The following HDAC1 variants were observed in gnomAD, a reference collection of about 807,000 sequenced individuals.
HDAC1 encodes the protein protein deacetylase HDAC1.
Under a neutral mutation model 65.5 loss-of-function variants are expected in HDAC1, and 18 were observed. The ratio of observed to expected loss-of-function variants is 0.27; its 90% CI spans 0.19 to 0.41. The LOEUF (loss-of-function observed/expected upper bound fraction) is 0.41, where lower values mean the gene tolerates loss of function less well. HDAC1 is among the 10% of genes least tolerant of loss of function. HDAC1 has a pLI of 1.00. For missense variants in HDAC1, 373 were observed against 625.2 expected (o/e 0.60, Z 4.30); for synonymous variants, 211 against 227.9 (o/e 0.93, Z 0.67).
At chr1:32,305,751 C>T (rs1471445480) in intron 2 of HDAC1, among the ~76,000 whole-genome samples, 3 of 151,892 alleles carry the variant, frequency 2.0e-5, no homozygotes, top group Non-Finnish European at 4.4e-5. Context: ...GCTGGGACCA[C>T]AGGTGCATGT....
intron 1 of HDAC1, among the ~76,000 whole-genome samples, chr1:32,293,234 C>A (rs1310611970): frequency 2.6e-5 from 4 of 151,582 alleles, no homozygotes; most frequent in African/African-American, 9.7e-5. Flanking sequence ...GCAGGAGAAT[C>A]CCTTAGAACC....
chr1:32,292,851 T>TCAGA (rs1436290909), intron 1 of HDAC1, among the ~76,000 whole-genome samples: 1 of 152,100 alleles, frequency 6.6e-6, no homozygotes, highest in Non-Finnish European at 1.5e-5. Context: ...TCTCTCCGTG[T>TCAGA]CAGAGCTCAG....
Position 32,331,104 on chromosome 1 carries a change from C to G in HDAC1, c.979+196C>G, listed in dbSNP as rs558433599. Among the ~76,000 whole-genome samples, 1 of 152,206 alleles carries G rather than the reference C, an allele frequency of 6.6e-6. No individual in the cohort carries two copies. Among genetic ancestry groups the G allele is most frequent in the Admixed American group, 6.5e-5 (1 of 15,286 alleles). ...CCCTAGTCCTTTTTAGCTCTCTCCC[C>G]TCTCCCTCCTGCTTTTGGTCTGGAC... On this transcript the variant is annotated intron_variant, in intron 9 of 13. Coordinates refer to ENST00000373548, the MANE Select transcript of HDAC1 (RefSeq NM_004964.3). The surrounding 1 kb of genome is among the most constrained non-coding windows in gnomAD (Gnocchi z 4.2).
At chr1:32,328,046 A>G (rs1371566115) in intron 6 of HDAC1, among the ~76,000 whole-genome samples, 1 of 152,060 alleles carries the variant, frequency 6.6e-6, no homozygotes, top group Admixed American at 6.5e-5. Flanking sequence ...TAGCCTTTTG[A>G]CTGAAAACTA....
chr1:32,316,854 C>T, intron 3 of HDAC1, 72 bp downstream of exon 3: 1 of 933,982 alleles, frequency 1.1e-6, no homozygotes, highest in Non-Finnish European at 1.8e-6. Flanking sequence ...GAGGCCCATT[C>T]TGCCGTCCTC....
Position 32,292,206 on chromosome 1 carries a change from T to TA in HDAC1, c.38dup (p.Tyr13Ter). The TA allele has an allele frequency of 6.5e-7, 1 of 1,548,686 alleles. No homozygotes were observed. Among genetic ancestry groups the TA allele is most frequent in the Non-Finnish European group, 8.7e-7 (1 of 1,146,370 alleles). Residue 13 changes from tyrosine (Y) to a stop codon, truncating the protein, a stop_gained and frameshift_variant, in exon 1 of 14, where the codon TAC becomes TAAC. Transcript: ENST00000373548. LOFTEE classifies it high-confidence loss of function. The part of the protein sequence containing the change: ...QTQGTRRKVC[Y>*]YYDGDVGNYY... The stretch of plus-strand genomic sequence containing the variant: ...GCAGGGCACCCGGAGGAAAGTCTGT[T>TA]ACTACTACGACGGTGAGCACCGTCC...
chr1:32,330,717 C>T lies in HDAC1; in HGVS notation c.838+31C>T, dbSNP rs1180144245. The T allele has an allele frequency of 1.5e-5, 24 of 1,613,074 alleles. No homozygotes were observed. Among genetic ancestry groups the T allele is most frequent in the South Asian group, 2.2e-5 (2 of 91,062 alleles). ...ACCAGGTAGCACAAGGATGGGTGGG[C>T]GGGGTCCTGCTTGGTGCTCCTGTAA... On this transcript the variant is annotated intron_variant, in intron 8 of 13. Transcript: ENST00000373548. The surrounding 1 kb of genome is among the most constrained non-coding windows in gnomAD (Gnocchi z 4.2).
At chr1:32,307,745 T>G (rs1640930859) in intron 2 of HDAC1, among the ~76,000 whole-genome samples, 1 of 152,212 alleles carries the variant, frequency 6.6e-6, no homozygotes, top group African/African-American at 2.4e-5. Flanking sequence ...TTTGGAACTT[T>G]GAGTCCTGGG....
chr1:32,318,730 T>C (rs1641098062), intron 3 of HDAC1, among the ~76,000 whole-genome samples: 1 of 152,224 alleles, frequency 6.6e-6, no homozygotes, highest in Non-Finnish European at 1.5e-5. Context: ...TACAAACTTA[T>C]CAAGGCAGAC....
chr1:32,330,813 T>C lies in HDAC1; in HGVS notation c.884T>C (p.Met295Thr). Reference sequence around the variant, plus strand: ...TTTGTCAAGAGCTTTAACCTGCCTATGCTGATGCTGGGAGGCGGTGGTTAC... The same window carrying C: ...TTTGTCAAGAGCTTTAACCTGCCTACGCTGATGCTGGGAGGCGGTGGTTAC... The part of the protein sequence containing the change: ...VEFVKSFNLP[M>T]LMLGGGGYTI... Residue 295 changes from methionine (M) to threonine (T), a missense_variant, in exon 9 of 14, where the codon ATG (methionine) becomes ACG (threonine). Met to Thr is a moderately conservative substitution (Grantham distance 81). Transcript: ENST00000373548. The surrounding 1 kb of genome is among the most constrained non-coding windows in gnomAD (Gnocchi z 4.2). 6.2e-7 allele frequency: 1 copy of C among 1,614,172 alleles called. No individual in the cohort carries two copies. Among genetic ancestry groups the C allele is most frequent in the Non-Finnish European group, 8.5e-7 (1 of 1,180,020 alleles).
chr1:32,309,832 C>A (rs1640966579), intron 2 of HDAC1, among the ~76,000 whole-genome samples: 1 of 152,054 alleles, frequency 6.6e-6, no homozygotes, highest in South Asian at 2.1e-4. Flanking sequence ...GTAGTTGAGA[C>A]TACAAGTGTG....
Position 32,292,187 on chromosome 1 carries a change from C to A in HDAC1, c.18C>A (p.Gly6=), listed in dbSNP as rs560391631. 2.6e-6 allele frequency: 4 copies of A among 1,548,646 alleles called. No homozygotes were observed. The African/African-American group carries it at 5.5e-5, about 21-fold the overall frequency. ...CGAGCAAGATGGCGCAGACGCAGGG[C>A]ACCCGGAGGAAAGTCTGTTACTACT... is the stretch of plus-strand genomic sequence containing the variant. MAQTQ[G]TRRKVCYYYD... Residue 6 remains glycine, a synonymous_variant, in exon 1 of 14, where the codon GGC becomes GGA. Coordinates refer to ENST00000373548, the MANE Select transcript of HDAC1 (RefSeq NM_004964.3).
chr1:32,323,708 A>G (rs1048760419), intron 3 of HDAC1, among the ~76,000 whole-genome samples: 3 of 151,978 alleles, frequency 2.0e-5, no homozygotes, highest in African/African-American at 7.3e-5. Flanking sequence ...TTGTTTCCCT[A>G]CTTATAAGAT....
intron 3 of HDAC1, among the ~76,000 whole-genome samples, 189 bp from the exon 4 acceptor site, chr1:32,324,290 A>T (rs1435062903): frequency 6.6e-6 from 1 of 152,184 alleles, no homozygotes; most frequent in Non-Finnish European, 1.5e-5. Context: ...GCTCTAAAAA[A>T]TAAAAAAATA....
chr1:32,330,758 C>G lies in HDAC1; in HGVS notation c.839-10C>G. ...GCTCCTGTAACTCAGCACCCCTTCT[C>G]CCACCAAAGGACACGCCAAGTGTGT... On this transcript the variant is annotated splice_polypyrimidine_tract_variant and intron_variant, in intron 8 of 13. Transcript: ENST00000373548. This position sits in a 1 kb window ranked among gnomAD's most constrained non-coding sequence, Gnocchi z 4.2. The G allele has an allele frequency of 6.2e-7, 1 of 1,614,138 alleles. No individual in the cohort carries two copies. Among genetic ancestry groups the G allele is most frequent in the Non-Finnish European group, 8.5e-7 (1 of 1,179,996 alleles).
intron 2 of HDAC1, among the ~76,000 whole-genome samples, chr1:32,313,936 A>C (rs1031953680): frequency 6.6e-6 from 1 of 152,216 alleles, no homozygotes; most frequent in Non-Finnish European, 1.5e-5. Context: ...CACCCTTGGA[A>C]ATGAATGATT....
Position 32,332,232 on chromosome 1 carries a change from G to A in HDAC1, c.1362G>A (p.Glu454=), listed in dbSNP as rs146747999. The A allele has an allele frequency of 9.3e-5, 150 of 1,608,570 alleles. No individual in the cohort carries two copies. Among genetic ancestry groups the A allele is most frequent in the Non-Finnish European group, 1.2e-4 (146 of 1,176,204 alleles). ...KTEDEKEKDP[E]EKKEVTEEEK... is the part of the protein sequence containing the mutation. ...AGGATGAAAAAGAGAAAGACCCAGAGGAGAAGAAAGGTGGGTTTGGGTTCA... is the reference window on the plus strand; with the variant it reads ...AGGATGAAAAAGAGAAAGACCCAGAAGAGAAGAAAGGTGGGTTTGGGTTCA... Residue 454 remains glutamate (E), a synonymous_variant, in exon 12 of 14, where the codon GAG becomes GAA. Transcript: ENST00000373548.
rs1187987265 is a variant in HDAC1 at position 32,330,295 on chromosome 1, G to C, written c.730-283G>C. On this transcript the variant is annotated intron_variant, in intron 7 of 13. Transcript: ENST00000373548. The surrounding 1 kb of genome is among the most constrained non-coding windows in gnomAD (Gnocchi z 4.2). Reference sequence around the variant, plus strand: ...AGGCTTCCTGGAGGAAGTGGCACTAGAGCTTGGGCAACAGAAGAGACTTAG... The same window carrying C: ...AGGCTTCCTGGAGGAAGTGGCACTACAGCTTGGGCAACAGAAGAGACTTAG... The C allele has an allele frequency of 5.0e-6, 2 of 396,304 alleles. No homozygotes were observed. The highest frequency in any genetic ancestry group is 9.4e-6 in the Non-Finnish European group (2 of 213,660). The allele number at this position is 396,304 out of a possible 1,614,324, so 24.5% of individuals were successfully genotyped here. A position where few individuals can be genotyped will look rare whatever the true frequency, so the allele number is the denominator to read the frequency against.
intron 2 of HDAC1, among the ~76,000 whole-genome samples, chr1:32,302,953 C>T (rs980944447): frequency 1.3e-5 from 2 of 152,180 alleles, no homozygotes; most frequent in Admixed American, 6.5e-5. Flanking sequence ...AAGAGGATCA[C>T]TTGAGCCTAG....
Sources: allele counts gnomAD v4.1 joint callset (sites outside exome capture counted in the v4.1 genomes callset), GRCh38; gene constraint gnomAD v4.1.1; non-coding constraint Gnocchi (gnomAD v3.1); transcripts MANE v1.5; gene names NCBI Gene and HGNC (gene_info 2026-07-23, HGNC 2026-07-21).